The following COL6A5 variants were observed in gnomAD, a reference collection of about 807,000 sequenced individuals.
COL6A5 encodes collagen alpha-5(VI) chain.
COL6A5 carries 48 observed loss-of-function variants against 65.6 expected under a neutral mutation model. The observed-to-expected ratio is 0.73, with a 90% CI of 0.58 to 0.93. The LOEUF is 0.93. Among genes scored for constraint, COL6A5 ranks in the 40% least tolerant of loss-of-function variants. COL6A5 has a pLI of 0.00. For missense variants in COL6A5, 914 were observed against 928.3 expected, an observed-to-expected ratio of 0.98 and a Z score of 0.20; for synonymous variants, 291 against 322.8, an observed-to-expected ratio of 0.90 and a Z score of 1.05.
intron 24 of COL6A5, 33 bp from the exon 25 acceptor site, chr3:130,418,836 C>G: frequency 6.5e-7 from 1 of 1,528,894 alleles, no homozygotes; most frequent in Non-Finnish European, 8.9e-7. Context: ...TTTGATTTTA[C>G]TGATCTGAAG....
chr3:130,431,185 A>G, upstream of COL6A5: 1 of 675,052 alleles, frequency 1.5e-6, no homozygotes, highest in South Asian at 1.5e-5. Flanking sequence ...TCAGCTCAAG[A>G]ACTCCCACCA....
At chr3:130,477,696 G>A (rs1386925901) in intron 7 of COL6A5, among the ~76,000 whole-genome samples, 1 of 152,034 alleles carries the variant, frequency 6.6e-6, no homozygotes, top group African/African-American at 2.4e-5. Context: ...AATTCTGGAG[G>A]TGGAGCCTCC....
chr3:130,398,236 T>C (rs976124745), intron 10 of COL6A5, 125 bp downstream of exon 10: 24 of 656,910 alleles, frequency 3.7e-5, no homozygotes, highest in Middle Eastern at 8.2e-4. Context: ...GTTCACACCA[T>C]TCTCCTGCCT....
At chr3:130,468,740 G>A in intron 5 of COL6A5, 55 bp from the exon 38 acceptor site, 1 of 1,260,364 alleles carries the variant, frequency 7.9e-7, no homozygotes, top group East Asian at 2.4e-5. Context: ...CTATGACTAG[G>A]AGCTCCAAGC....
chr3:130,443,489 G>C, exon 4 of COL6A5: 1 of 1,608,936 alleles, frequency 6.2e-7, no homozygotes, highest in African/African-American at 1.3e-5. Context: ...GATTCAATCA[G>C]TACCCACCAC....
intron 1 of COL6A5, among the ~76,000 whole-genome samples, chr3:130,365,273 T>TTTGTC (rs1559859653): frequency 6.7e-6 from 1 of 148,838 alleles, no homozygotes; most frequent in African/African-American, 2.6e-5. Flanking sequence ...TTTAAGATGT[T>TTTGTC]TTGTTTTGTT....
chr3:130,359,485 G>A (rs531713806), intron 1 of COL6A5, among the ~76,000 whole-genome samples: 2 of 151,762 alleles, frequency 1.3e-5, no homozygotes, highest in Non-Finnish European at 2.9e-5. Context: ...GTAATTTTTA[G>A]GACTCATAAG....
At chr3:130,355,427 A>G (rs1373457665) in intron 1 of COL6A5, among the ~76,000 whole-genome samples, 1 of 152,162 alleles carries the variant, frequency 6.6e-6, no homozygotes, top group Non-Finnish European at 1.5e-5. Flanking sequence ...TTTATCTTTC[A>G]TAGGTGGAAG....
At chr3:130,465,949 C>A (rs1483313485) in intron 5 of COL6A5, among the ~76,000 whole-genome samples, 1 of 151,610 alleles carries the variant, frequency 6.6e-6, no homozygotes, top group Non-Finnish European at 1.5e-5. Context: ...TTTGGCAAAA[C>A]AAAAAGATTG....
chr3:130,470,812 G>C, intron 6 of COL6A5, 59 bp from the exon 39 acceptor site: 2 of 1,241,812 alleles, frequency 1.6e-6, no homozygotes, highest in Non-Finnish European at 2.3e-6. Context: ...ATCTGACTTT[G>C]GGTGAGATAA....
intron 3 of COL6A5, among the ~76,000 whole-genome samples, chr3:130,379,028 G>T (rs915527557): frequency 6.6e-6 from 1 of 152,054 alleles, no homozygotes; most frequent in East Asian, 1.9e-4. Context: ...GATGGTGGAC[G>T]TGGTGGTTCC....
At chr3:130,438,401 ATGAG>A (rs371120046) in intron 1 of COL6A5, among the ~76,000 whole-genome samples, 175 of 152,252 alleles carry the variant, frequency 1.1e-3, no homozygotes, top group African/African-American at 3.1e-3. Context: ...GAATGAGTGA[ATGAG>A]TGAATGAATG....
chr3:130,441,564 T>C (rs772976655), intron 3 of COL6A5, among the ~76,000 whole-genome samples: 1 of 150,680 alleles, frequency 6.6e-6, no homozygotes, highest in Non-Finnish European at 1.5e-5. Flanking sequence ...GATGTATCAG[T>C]CTGCAAAGAA....
At chr3:130,484,444 T>A in exon 8 of COL6A5, 1 of 402,576 alleles carries the variant, frequency 2.5e-6, no homozygotes, top group Non-Finnish European at 4.4e-6. Context: ...CATTTGGAAT[T>A]GGAATTTCCT....
intron 25 of COL6A5, among the ~76,000 whole-genome samples, chr3:130,420,508 T>G (rs981113082): frequency 6.6e-6 from 1 of 152,108 alleles, no homozygotes; most frequent in Non-Finnish European, 1.5e-5. Flanking sequence ...CTAACTAAAA[T>G]TTTGGACAAA....
At chr3:130,380,194 C>T in intron 4 of COL6A5, 144 bp downstream of exon 4, 1 of 624,042 alleles carries the variant, frequency 1.6e-6, no homozygotes, top group South Asian at 3.0e-5. Context: ...TTTGGTGATG[C>T]CCATACAACT....
chr3:130,381,783 A>C (rs1456727967), intron 4 of COL6A5, among the ~76,000 whole-genome samples: 1 of 152,124 alleles, frequency 6.6e-6, no homozygotes, highest in East Asian at 1.9e-4. Context: ...TTTTGAACTC[A>C]GACCAGCTTC....
chr3:130,376,872 C>A, intron 3 of COL6A5, 36 bp downstream of exon 3: 1 of 1,560,436 alleles, frequency 6.4e-7, no homozygotes, highest in East Asian at 2.3e-5. Flanking sequence ...TGCCTGATCC[C>A]CAGGTGGGTC....
chr3:130,483,474 G>A (rs1710301393), intron 7 of COL6A5, among the ~76,000 whole-genome samples: 3 of 152,136 alleles, frequency 2.0e-5, no homozygotes, highest in African/African-American at 4.8e-5. Flanking sequence ...TTCCTCCTAG[G>A]TTATTGATTG....
Sources: gnomAD v4.1 joint callset for allele counts (sites outside exome capture counted in the v4.1 genomes callset) on GRCh38, gnomAD v4.1.1 for gene constraint, MANE v1.5 for transcripts, NCBI Gene and HGNC (gene_info 2026-07-23, HGNC 2026-07-21) for gene names.